EPB41L3: variants seen among roughly 807,000 people sequenced by gnomAD.
The protein encoded by EPB41L3 is erythrocyte membrane protein band 4.1 like 3, also known as band 4.1-like protein 3.
A neutral mutation model predicts 127.1 loss-of-function variants in EPB41L3; 57 were observed. That is an observed-to-expected ratio of 0.45 (90% CI 0.36 to 0.56). The LOEUF (loss-of-function observed/expected upper bound fraction) is 0.56. Ranked by LOEUF, EPB41L3 falls within the 20% of genes least tolerant of loss-of-function variation. The pLI is 0.00. For missense variants in EPB41L3, 1,273 were observed against 1,372.2 expected (o/e 0.93, Z 1.14); for synonymous variants, 572 against 549.5 (o/e 1.04, Z -0.57).
intron 7 of EPB41L3, 67 bp downstream of exon 7, chr18:5,433,836 G>T: frequency 6.6e-7 from 1 of 1,517,038 alleles, no homozygotes; most frequent in Non-Finnish European, 9.1e-7. Context: ...ACTGGGAAGA[G>T]GTGGGTTGTG....
In EPB41L3 at chr18:5,423,497, C is replaced by A; in HGVS notation, c.1220G>T (p.Arg407Leu). Residue 407 changes from arginine (R) to leucine (L), a missense_variant, in exon 11 of 23, where the codon CGT becomes CTT. Around this residue, in one of 3 missense-constraint regions of EPB41L3, gnomAD observed 326 missense variants for 440.2 expected, o/e 0.74. Coordinates refer to ENST00000341928, the MANE Select transcript of EPB41L3 (RefSeq NM_012307.5). ...TTGCGCTTGTGTCCTGCCACTATAA[C>A]GAAACTTGGAACCCAAGGTTAGGAA... ...KKFLTLGSKFRYSGRTQAQTR... is the reference protein window; with the variant it reads ...KKFLTLGSKFLYSGRTQAQTR... 2 of 1,613,412 alleles carry A rather than the reference C, an allele frequency of 1.2e-6. No homozygotes were observed. Among genetic ancestry groups the A allele is most frequent in the South Asian group, 2.2e-5 (2 of 90,998 alleles).
At chr18:5,480,160 G>A (rs1377653939) in intron 2 of EPB41L3, 1 of 152,028 alleles carries the variant, frequency 6.6e-6, no homozygotes, top group Non-Finnish European at 1.5e-5. Flanking sequence ...CAAGCTTCTG[G>A]GTTACTTTAA....
intron 2 of EPB41L3, among the ~76,000 whole-genome samples, chr18:5,487,872 G>T (rs2090034113): frequency 6.6e-6 from 1 of 151,200 alleles, no homozygotes; most frequent in South Asian, 2.1e-4. Flanking sequence ...TTAATGCTGT[G>T]ACTTCCAAAG....
chr18:5,511,747 G>C (rs1024885325), intron 1 of EPB41L3, among the ~76,000 whole-genome samples: 3 of 151,336 alleles, frequency 2.0e-5, no homozygotes, highest in Non-Finnish European at 4.4e-5. Flanking sequence ...CCTTCCAGAC[G>C]CATACAGACA....
chr18:5,616,608 A>C (rs1348158775), intron 1 of EPB41L3, among the ~76,000 whole-genome samples: 2 of 152,120 alleles, frequency 1.3e-5, no homozygotes, highest in East Asian at 3.8e-4. Flanking sequence ...CAAAATGAAC[A>C]CCTGTGAACT....
intron 2 of EPB41L3, among the ~76,000 whole-genome samples, chr18:5,482,684 C>T (rs188675233): frequency 2.6e-4 from 39 of 152,038 alleles, no homozygotes; most frequent in Admixed American, 2.2e-3. Context: ...CCACACAGGC[C>T]AGGAAAGAGT....
rs921395818 is a variant in EPB41L3 at position 5,573,397 on chromosome 18, T to A, written c.-306+38943A>T. 2.6e-5 allele frequency among the ~76,000 whole-genome samples: 4 copies of A among 152,332 alleles called. No homozygotes were observed. The South Asian group carries it at 6.2e-4, about 24-fold the overall frequency. ...CTAAGTAAAATGGTAATATTGCCAA[T>A]CAAAAGCAATCATATACCTCCAATA... On this transcript the variant is annotated intron_variant, in intron 3 of 21. Transcript: ENST00000545076.
At chr18:5,410,890 T>G (rs2076117055) in intron 13 of EPB41L3, among the ~76,000 whole-genome samples, 1 of 152,228 alleles carries the variant, frequency 6.6e-6, no homozygotes, top group Non-Finnish European at 1.5e-5. Context: ...TCTGGTTCTA[T>G]GTCTCAGGGA....
intron 8 of EPB41L3, 36 bp downstream of exon 8, chr18:5,433,433 T>C (rs2079274636): frequency 7.0e-7 from 1 of 1,437,396 alleles, no homozygotes. Context: ...TTACATAATA[T>C]TAAATTGAAA....
chr18:5,394,620 G>T, intron 22 of EPB41L3, 57 bp downstream of exon 22: 1 of 1,301,722 alleles, frequency 7.7e-7, no homozygotes, highest in Non-Finnish European at 1.1e-6. Context: ...TGAGAGGGAA[G>T]TGCCCCATGC....
intron 3 of EPB41L3, among the ~76,000 whole-genome samples, chr18:5,452,049 G>A (rs986161513): frequency 6.6e-6 from 1 of 152,042 alleles, no homozygotes; most frequent in Admixed American, 6.6e-5. Flanking sequence ...ACTTTTAGTA[G>A]AGACATGGTC....
At chr18:5,452,339 C>T (rs916952706) in intron 3 of EPB41L3, among the ~76,000 whole-genome samples, 3 of 151,476 alleles carry the variant, frequency 2.0e-5, no homozygotes, top group African/African-American at 7.3e-5. Context: ...AGTTGCATTA[C>T]AGTAAAATTG....
intron 16 of EPB41L3, among the ~76,000 whole-genome samples, chr18:5,406,312 C>T (rs181360712): frequency 5.3e-5 from 8 of 152,164 alleles, no homozygotes; most frequent in African/African-American, 1.9e-4. Context: ...AAATAAAAAT[C>T]AAATAAAACT....
At chr18:5,610,097 CCAAA>C (rs1403388576) in intron 3 of EPB41L3, 9 of 985,160 alleles carry the variant, frequency 9.1e-6, no homozygotes, top group African/African-American at 1.7e-5. Flanking sequence ...TTCTTCTTCC[CCAAA>C]CAAAGAGAAG....
At chr18:5,507,216 A>C (rs2092265304) in intron 1 of EPB41L3, among the ~76,000 whole-genome samples, 1 of 152,016 alleles carries the variant, frequency 6.6e-6, no homozygotes, top group African/African-American at 2.4e-5. Flanking sequence ...AACACATTAA[A>C]ACACACACAC....
At chr18:5,540,984 C>G (rs1568541111) in intron 1 of EPB41L3, among the ~76,000 whole-genome samples, 1 of 149,986 alleles carries the variant, frequency 6.7e-6, no homozygotes, top group Non-Finnish European at 1.5e-5. Flanking sequence ...ACTCGGGAGG[C>G]TGAGGCAGGA....
At chr18:5,601,918 G>A (rs964110221) in intron 3 of EPB41L3, among the ~76,000 whole-genome samples, 1 of 152,186 alleles carries the variant, frequency 6.6e-6, no homozygotes, top group Non-Finnish European at 1.5e-5. Flanking sequence ...GCACTTCGGA[G>A]TGGTTGATTT....
intron 8 of EPB41L3, among the ~76,000 whole-genome samples, chr18:5,430,917 C>T: frequency 6.6e-6 from 1 of 152,078 alleles, no homozygotes; most frequent in African/African-American, 2.4e-5. Flanking sequence ...GTGCATTCCA[C>T]TATCAATAAA....
Position 5,392,639 on chromosome 18 carries a change from A to C in EPB41L3, c.*846T>G, listed in dbSNP as rs768631531. The C allele has an allele frequency of 2.0e-5, 3 of 152,642 alleles. No homozygotes were observed. The highest frequency in any genetic ancestry group is 4.4e-5 in the Non-Finnish European group (3 of 68,050). The allele number at this position is 152,642 out of a possible 1,614,324, so 9.5% of individuals were successfully genotyped here. On this transcript the variant is annotated 3_prime_UTR_variant, in exon 23 of 23. Transcript: ENST00000341928. ...AGAAGAAAAATCAATTAAAAAATAC[A>C]CGGCACGGAAAAAGTAACTAAGAAA... is the stretch of plus-strand genomic sequence containing the variant.
Sources: gnomAD v4.1 joint callset for allele counts (sites outside exome capture counted in the v4.1 genomes callset) on GRCh38, gnomAD v4.1.1 for gene constraint, gnomAD v4.1.1 regional missense constraint, MANE v1.5 for transcripts, NCBI Gene and HGNC (gene_info 2026-07-23, HGNC 2026-07-21) for gene names.